The following KCNK10 variants were observed in gnomAD, a reference collection of about 807,000 sequenced individuals.
The protein encoded by KCNK10 is potassium two pore domain channel subfamily K member 10.
A neutral mutation model predicts 47.7 loss-of-function variants in KCNK10; 25 were observed. The ratio of observed to expected loss-of-function variants is 0.52; its 90% CI spans 0.38 to 0.73. The LOEUF (loss-of-function observed/expected upper bound fraction) is 0.73. Ranked by LOEUF, KCNK10 falls within the 30% of genes least tolerant of loss-of-function variation. The pLI is 0.00. For synonymous variants in KCNK10, 303 were observed against 285.6 expected (o/e 1.06, Z -0.61); for missense variants, 563 against 714.5 (o/e 0.79, Z 2.42).
rs74447538 is a variant in KCNK10, at chr14:88,283,280, A to C, written c.53-19729T>G. Among the ~76,000 whole-genome samples the C allele has an allele frequency of 4.1e-3, 623 of 152,356 alleles. 2 individuals carry two copies. Among genetic ancestry groups the C allele is most frequent in the Admixed American group, 9.1e-3 (139 of 15,298 alleles). On this transcript the variant is annotated intron_variant, in intron 1 of 6. Coordinates refer to ENST00000319231, the MANE Select transcript of KCNK10 (RefSeq NM_138317.3). ...ACCCAAGAGATATAAGATCTAAATCAAACTGAACTTTTAAACAGTGGAATA... is the reference window on the plus strand; with the variant it reads ...ACCCAAGAGATATAAGATCTAAATCCAACTGAACTTTTAAACAGTGGAATA...
chr14:88,255,286 T>C (rs1202554133), intron 2 of KCNK10, among the ~76,000 whole-genome samples: 1 of 152,100 alleles, frequency 6.6e-6, no homozygotes, highest in Non-Finnish European at 1.5e-5. Context: ...GGCTCTGGAG[T>C]CTGGCTTCCC....
chr14:88,300,409 A>G (rs1378350265), intron 1 of KCNK10, among the ~76,000 whole-genome samples: 1 of 152,240 alleles, frequency 6.6e-6, no homozygotes, highest in Non-Finnish European at 1.5e-5. Context: ...TGAACTCAGC[A>G]AAGGCAAAGA....
At chr14:88,249,948 T>C (rs1886748546) in intron 2 of KCNK10, among the ~76,000 whole-genome samples, 3 of 152,106 alleles carry the variant, frequency 2.0e-5, no homozygotes, top group Non-Finnish European at 4.4e-5. Context: ...AATGAATACA[T>C]TGTATTGTGA....
At chr14:88,310,205 G>GATATACCATATGATATTGTATATC (rs1566721486) in intron 1 of KCNK10, among the ~76,000 whole-genome samples, 1 of 42,340 alleles carries the variant, frequency 2.4e-5, no homozygotes, top group Non-Finnish European at 6.1e-5. Context: ...TATGGTATAT[G>GATATACCATATGATATTGTATATC]ATATACCATA....
chr14:88,263,059 C>T (rs539049892), intron 2 of KCNK10, 143 bp downstream of exon 2: 236 of 651,638 alleles, frequency 3.6e-4, no homozygotes, highest in Non-Finnish European at 5.5e-4. Context: ...GAGGTCTCAG[C>T]TCACATGTCA....
chr14:88,315,280 CA>C (rs1412460593), intron 1 of KCNK10, among the ~76,000 whole-genome samples: 5 of 152,272 alleles, frequency 3.3e-5, no homozygotes, highest in Admixed American at 2.0e-4. Flanking sequence ...CAGTAGAATC[CA>C]GGAGCTGGCC....
At chr14:88,270,098 C>G (rs955615389) in intron 1 of KCNK10, among the ~76,000 whole-genome samples, 4 of 152,154 alleles carry the variant, frequency 2.6e-5, no homozygotes, top group Admixed American at 6.5e-5. Flanking sequence ...CACCTCCCCC[C>G]TCCCCGCAGC....
At position 88,311,631 on chromosome 14, in the gene KCNK10, T is replaced by C. The variant is rs1888332161; in HGVS notation, c.52+11116A>G. Among the ~76,000 whole-genome samples, 7 of 152,178 alleles carry C rather than the reference T, an allele frequency of 4.6e-5. No individual in the cohort carries two copies. The South Asian group carries it at 1.4e-3, about 31-fold the overall frequency. On this transcript the variant is annotated intron_variant, in intron 1 of 6. Transcript: ENST00000319231. ...TGTTATGCCCAGCTGTAAATAAGTC[T>C]AGAGTATGTATACTACAGGACTTAG...
chr14:88,234,301 T>C (rs998862962), intron 3 of KCNK10, among the ~76,000 whole-genome samples: 1 of 152,356 alleles, frequency 6.6e-6, no homozygotes, highest in South Asian at 2.1e-4. Context: ...CTAACACCAA[T>C]ATATTTGCAG....
intron 4 of KCNK10, among the ~76,000 whole-genome samples, chr14:88,200,065 TTTC>T (rs774033719): frequency 4.6e-5 from 7 of 151,890 alleles, no homozygotes; most frequent in Non-Finnish European, 1.0e-4. Context: ...CTTTTCTTTC[TTTC>T]TTCTTCCTTT....
At chr14:88,304,063 A>G (rs1263166088) in intron 1 of KCNK10, among the ~76,000 whole-genome samples, 2 of 152,118 alleles carry the variant, frequency 1.3e-5, no homozygotes, top group Non-Finnish European at 2.9e-5. Flanking sequence ...TAAATATACT[A>G]AATTGTACTT....
At chr14:88,285,671 C>T (rs920733501) in intron 1 of KCNK10, among the ~76,000 whole-genome samples, 1 of 152,136 alleles carries the variant, frequency 6.6e-6, no homozygotes, top group Non-Finnish European at 1.5e-5. Context: ...GTTAAGATTA[C>T]TCAGGTTCTT....
At chr14:88,233,721 T>C (rs929622039) in intron 3 of KCNK10, among the ~76,000 whole-genome samples, 2 of 152,232 alleles carry the variant, frequency 1.3e-5, no homozygotes, top group African/African-American at 2.4e-5. Context: ...AGTCACATAA[T>C]ATTATGTGGA....
chr14:88,201,144 T>C lies in KCNK10; in HGVS notation c.682-8734A>G, dbSNP rs1595077224. Among the ~76,000 whole-genome samples the C allele has an allele frequency of 2.0e-5, 3 of 152,302 alleles. No homozygotes were observed. In the East Asian group the frequency reaches 5.8e-4, roughly 29 times the overall value. ...TTTCTACTCCTGACAAAGTTTCCAT[T>C]GGAGGCCTCATGGCAGAATCAGGGC... is the stretch of plus-strand genomic sequence containing the variant. On this transcript the variant is annotated intron_variant, in intron 4 of 6. Transcript: ENST00000319231.
In KCNK10 at chr14:88,210,829, GA is replaced by G. The variant is rs71126970; in HGVS notation, c.681+16545del. On this transcript the variant is annotated intron_variant, in intron 4 of 6. Transcript: ENST00000319231. ...TCATTTGGGCCTATAAAAGTTAAAGGAAAAAAAAAAAAAAACAGAAAAAAGC... is the reference window on the plus strand; with the variant it reads ...TCATTTGGGCCTATAAAAGTTAAAGGAAAAAAAAAAAAAACAGAAAAAAGC... 3.3e-3 allele frequency among the ~76,000 whole-genome samples: 463 copies of G among 138,620 alleles called. 2 individuals carry two copies. Among genetic ancestry groups the G allele is most frequent in the African/African-American group, 4.0e-3 (146 of 36,894 alleles). 90.9% of individuals were successfully genotyped at this position (138,620 alleles called of 152,430 possible).
rs530877921 is a variant in KCNK10 at position 88,183,633 on chromosome 14, A to C, written c.*1902T>G. 6.6e-6 allele frequency: 1 copy of C among 152,352 alleles called. No individual in the cohort carries two copies. The highest frequency in any genetic ancestry group is 2.4e-5 in the African/African-American group (1 of 41,446). 9.4% of individuals were successfully genotyped at this position (152,352 alleles called of 1,614,324 possible). On this transcript the variant is annotated 3_prime_UTR_variant, in exon 7 of 7. Transcript: ENST00000319231. ...ACCAGTGAGCCTCATCTCCAGTCCA[A>C]TGGAGGAGTTGACTTAGACCTTCCT...
intron 1 of KCNK10, among the ~76,000 whole-genome samples, chr14:88,296,183 T>C (rs983680486): frequency 6.6e-6 from 1 of 152,152 alleles, no homozygotes; most frequent in Non-Finnish European, 1.5e-5. Flanking sequence ...ATAAAGTAAA[T>C]GCATGTTCTC....
At chr14:88,292,743 G>A (rs950918628) in intron 1 of KCNK10, among the ~76,000 whole-genome samples, 1 of 152,020 alleles carries the variant, frequency 6.6e-6, no homozygotes, top group Non-Finnish European at 1.5e-5. Flanking sequence ...AGTGACTCTT[G>A]TGCCTCAGCC....
intron 1 of KCNK10, among the ~76,000 whole-genome samples, chr14:88,269,623 G>A (rs930440199): frequency 2.6e-5 from 4 of 152,024 alleles, no homozygotes; most frequent in Admixed American, 2.0e-4. Context: ...ATTTTGTAGC[G>A]ATGGGGTCTC....
Sources: allele counts gnomAD v4.1 joint callset (sites outside exome capture counted in the v4.1 genomes callset), GRCh38; gene constraint gnomAD v4.1.1; transcripts MANE v1.5; gene names NCBI Gene and HGNC (gene_info 2026-07-23, HGNC 2026-07-21).